The following LIN9 variants were observed in gnomAD, a reference collection of about 807,000 sequenced individuals.
LIN9 encodes lin-9 DREAM MuvB core complex component, also known as protein lin-9 homolog.
Under a neutral mutation model 78.0 loss-of-function variants are expected in LIN9, and 18 were observed. That is an observed-to-expected ratio of 0.23 (90% CI 0.16 to 0.34). The LOEUF is 0.34. LIN9 is among the 10% of genes least tolerant of loss of function. LIN9 has a pLI of 1.00. For synonymous variants in LIN9, 192 were observed against 215.2 expected (o/e 0.89, Z 0.94); for missense variants, 451 against 644.1 (o/e 0.70, Z 3.25).
upstream of LIN9, chr1:226,309,194 G>A (rs1481222547): frequency 2.7e-6 from 4 of 1,461,256 alleles, no homozygotes; most frequent in Admixed American, 2.1e-5. Flanking sequence ...GCATTGTGGG[G>A]CGGAGACTGT....
At chr1:226,297,371 T>C (rs1267754588) in intron 3 of LIN9, among the ~76,000 whole-genome samples, 1 of 152,232 alleles carries the variant, frequency 6.6e-6, no homozygotes, top group Non-Finnish European at 1.5e-5. Flanking sequence ...TCTTTTTTTT[T>C]CTTTTTGTCT....
chr1:226,290,507 A>AT (rs1661700818), intron 4 of LIN9, among the ~76,000 whole-genome samples: 1 of 151,316 alleles, frequency 6.6e-6, no homozygotes, highest in South Asian at 2.1e-4. Context: ...CGCCCGGCTA[A>AT]TTTTTTGTAT....
At chr1:226,251,280 T>G (rs1576292153) in intron 10 of LIN9, among the ~76,000 whole-genome samples, 1 of 149,534 alleles carries the variant, frequency 6.7e-6, no homozygotes, top group Admixed American at 6.7e-5. Flanking sequence ...CAGGCTGGAG[T>G]GCAATGGCGT....
chr1:226,290,108 C>T (rs1661657030), intron 4 of LIN9, among the ~76,000 whole-genome samples: 1 of 151,634 alleles, frequency 6.6e-6, no homozygotes, highest in Non-Finnish European at 1.5e-5. Context: ...AAACTATAAA[C>T]TCTAAAAAAA....
At chr1:226,309,039 TC>T in intron 1 of LIN9, 69 bp downstream of exon 1, 1 of 1,286,010 alleles carries the variant, frequency 7.8e-7, no homozygotes, top group Non-Finnish European at 1.0e-6. Flanking sequence ...CGGCCGTCCG[TC>T]CCGGCCGGTG....
intron 14 of LIN9, 42 bp from the exon 15 acceptor site, chr1:226,232,648 A>G (rs779095388): frequency 2.3e-6 from 3 of 1,300,236 alleles, no homozygotes; most frequent in Admixed American, 4.4e-5. Context: ...TATTTCAAAA[A>G]ATTAAGAAAA....
chr1:226,272,254 C>T (rs1660328852), intron 7 of LIN9, among the ~76,000 whole-genome samples: 1 of 151,892 alleles, frequency 6.6e-6, no homozygotes, highest in Admixed American at 6.6e-5. Flanking sequence ...CGGGGTTTCA[C>T]CATGTTGGCC....
intron 8 of LIN9, among the ~76,000 whole-genome samples, chr1:226,267,422 C>CAA (rs10679567): frequency 0.41 from 36,982 of 90,946 alleles, 7,531 homozygotes; most frequent in East Asian, 0.47. Context: ...GACTCCGTCT[C>CAA]AAAAAAAAAA....
intron 11 of LIN9, among the ~76,000 whole-genome samples, chr1:226,243,758 G>C (rs985673404): frequency 2.0e-5 from 3 of 148,586 alleles, no homozygotes; most frequent in Non-Finnish European, 4.4e-5. Context: ...ATATTCTATA[G>C]GTATTTATAC....
intron 11 of LIN9, among the ~76,000 whole-genome samples, chr1:226,250,622 G>A (rs1658772455): frequency 1.3e-5 from 2 of 152,180 alleles, no homozygotes; most frequent in South Asian, 2.1e-4. Context: ...TAGAATCATA[G>A]CTCACTGCAG....
At chr1:226,278,013 GAT>G in intron 6 of LIN9, 81 bp from the exon 7 acceptor site, 1 of 1,171,478 alleles carries the variant, frequency 8.5e-7, no homozygotes, top group South Asian at 1.5e-5. Context: ...CTTTTTTTGA[GAT>G]AGAGTCTGGC....
At position 226,265,050 on chromosome 1, in the gene LIN9, A is replaced by T. The variant is rs1558176072; in HGVS notation, c.1038+483T>A. Among the ~76,000 whole-genome samples, 1 of 152,204 alleles carries T rather than the reference A, an allele frequency of 6.6e-6. No individual in the cohort carries two copies. Among genetic ancestry groups the T allele is most frequent in the South Asian group, 2.1e-4 (1 of 4,828 alleles). On this transcript the variant is annotated intron_variant, in intron 10 of 14. Transcript: ENST00000681046. This position sits in a 1 kb window ranked among gnomAD's most constrained non-coding sequence, Gnocchi z 4.1. ...TTTCCAATATAATACTTCTACACTT[A>T]GTTCAGTTTAGGCTTAGATTTCTTA...
chr1:226,262,258 T>C (rs750719875), intron 10 of LIN9, among the ~76,000 whole-genome samples: 1 of 152,180 alleles, frequency 6.6e-6, no homozygotes, highest in Non-Finnish European at 1.5e-5. Context: ...GCATGATCCA[T>C]GTAAGAATGA....
intron 12 of LIN9, among the ~76,000 whole-genome samples, chr1:226,237,866 T>C (rs536901255): frequency 2.0e-5 from 3 of 150,838 alleles, no homozygotes; most frequent in South Asian, 2.1e-4. Context: ...GGCAGGAGAA[T>C]TGCTTGAACC....
At chr1:226,283,713 C>T (rs1369210383) in intron 6 of LIN9, among the ~76,000 whole-genome samples, 1 of 152,154 alleles carries the variant, frequency 6.6e-6, no homozygotes, top group South Asian at 2.1e-4. Context: ...TCTGGGAGGC[C>T]GGGGCAGGCG....
At chr1:226,274,835 G>GA (rs1269272275) in intron 7 of LIN9, among the ~76,000 whole-genome samples, 1 of 151,712 alleles carries the variant, frequency 6.6e-6, no homozygotes, top group South Asian at 2.1e-4. Flanking sequence ...TTCTTTATCT[G>GA]AAAAAATGTC....
At chr1:226,276,773 T>C (rs1244227751) in intron 7 of LIN9, among the ~76,000 whole-genome samples, 1 of 152,194 alleles carries the variant, frequency 6.6e-6, no homozygotes, top group Non-Finnish European at 1.5e-5. Context: ...ATATTGTAAT[T>C]TGCCTTCACC....
At chr1:226,276,617 T>A (rs1032223560) in intron 7 of LIN9, among the ~76,000 whole-genome samples, 2 of 152,140 alleles carry the variant, frequency 1.3e-5, no homozygotes, top group African/African-American at 4.8e-5. Context: ...CCAGGAAAAA[T>A]GATATAAATA....
chr1:226,250,894 A>T lies in LIN9; in HGVS notation c.1064T>A (p.Ile355Asn). ...TAATTTCTTGATATGTTCCTTTTTA[A>T]TCATGAGAATTTTTGATAATCTGGT... ...QVTRLSKILM[I>N]KKEHIKKLRE... is the part of the protein sequence containing the mutation. Residue 355 changes from isoleucine to asparagine, a missense_variant, in exon 11 of 15, where the codon ATT becomes AAT. Coordinates refer to ENST00000681046, the MANE Select transcript of LIN9 (RefSeq NM_001366245.2). 1 of 1,535,220 alleles carries T rather than the reference A, an allele frequency of 6.5e-7. No homozygotes were observed. The highest frequency in any genetic ancestry group is 8.9e-7 in the Non-Finnish European group (1 of 1,118,454).
Sources: allele counts gnomAD v4.1 joint callset (sites outside exome capture counted in the v4.1 genomes callset), GRCh38; gene constraint gnomAD v4.1.1; non-coding constraint Gnocchi (gnomAD v3.1); transcripts MANE v1.5; gene names NCBI Gene and HGNC (gene_info 2026-07-23, HGNC 2026-07-21).